CES4A: variants seen among roughly 807,000 people sequenced by gnomAD.
CES4A encodes the protein carboxylesterase 4A.
A neutral mutation model predicts 65.4 loss-of-function variants in CES4A; 48 were observed. That is an observed-to-expected ratio of 0.73 (90% confidence interval 0.58 to 0.93). CES4A has a LOEUF of 0.93. CES4A is among the 40% of genes least tolerant of loss of function. The pLI, the probability that CES4A is intolerant of heterozygous loss-of-function variation, is 0.00. For synonymous variants in CES4A, 247 were observed against 281.8 expected, an observed-to-expected ratio of 0.88 and a Z score of 1.24; for missense variants, 685 against 728.5, an observed-to-expected ratio of 0.94 and a Z score of 0.69.
Position 67,001,717 on chromosome 16 carries a change from T to C in CES4A, c.690+256T>C, listed in dbSNP as rs948289658. Among the ~76,000 whole-genome samples, 5 of 152,222 alleles carry C rather than the reference T, an allele frequency of 3.3e-5. No homozygotes were observed. Among genetic ancestry groups the C allele is most frequent in the African/African-American group, 1.2e-4 (5 of 41,448 alleles). On this transcript the variant is annotated intron_variant, in intron 5 of 13. Coordinates refer to ENST00000648724, the Ensembl canonical transcript of CES4A. This position sits in a 1 kb window ranked among gnomAD's most constrained non-coding sequence, Gnocchi z 4.1. The stretch of plus-strand genomic sequence containing the variant: ...TGGGGTAATCAGTGAATCCAGGTGC[T>C]ACCCAGCACCTTCTGCCTCTCCACA...
At chr16:66,994,657 C>A (rs1439469334) in intron 1 of CES4A, among the ~76,000 whole-genome samples, 3 of 145,806 alleles carry the variant, frequency 2.1e-5, no homozygotes, top group Non-Finnish European at 4.6e-5. Flanking sequence ...CTGGCTAGTA[C>A]GGTGAAACCC....
chr16:67,005,552 C>T, intron 11 of CES4A, 159 bp downstream of exon 11: 1 of 713,442 alleles, frequency 1.4e-6, no homozygotes, highest in Non-Finnish European at 2.2e-6. Context: ...CTATCAACTA[C>T]AAGAGAGGAA....
In CES4A at chr16:67,001,294, C is replaced by A. The variant is rs779461385; in HGVS notation, c.537-14C>A. 2 of 1,583,424 alleles carry A rather than the reference C, an allele frequency of 1.3e-6. No individual in the cohort carries two copies. Among genetic ancestry groups the A allele is most frequent in the Middle Eastern group, 1.9e-4 (1 of 5,226 alleles). ...CGAGGCCCGGGACCCTGACAGTGAA[C>A]CCCACACGCCCAGCACGGACGACAG... On this transcript the variant is annotated splice_polypyrimidine_tract_variant and intron_variant, in intron 4 of 13. Coordinates refer to ENST00000648724, the Ensembl canonical transcript of CES4A. This position sits in a 1 kb window ranked among gnomAD's most constrained non-coding sequence, Gnocchi z 4.1.
At chr16:67,008,180 C>G (rs1243660136) in intron 13 of CES4A, 1 of 152,202 alleles carries the variant, frequency 6.6e-6, no homozygotes, top group Non-Finnish European at 1.5e-5. Flanking sequence ...CTATGCCTCC[C>G]AAAGTGTTGG....
chr16:67,000,517 GCGCACGCACA>G lies in CES4A; in HGVS notation c.261-113_261-104del. Reference sequence around the variant, plus strand: ...CCTGTACACGCACACGCACGCACATGCGCACGCACACGCACGCGCACAGACGCTGCCTGGA... The same window carrying G: ...CCTGTACACGCACACGCACGCACATGCGCACGCGCACAGACGCTGCCTGGA... On this transcript the variant is annotated intron_variant, in intron 2 of 13. Transcript: ENST00000648724. This position sits in a 1 kb window ranked among gnomAD's most constrained non-coding sequence, Gnocchi z 4.2. The G allele has an allele frequency of 3.4e-6, 5 of 1,450,862 alleles. No homozygotes were observed. In the East Asian group the frequency reaches 7.7e-5, roughly 22 times the overall value. The allele number at this position is 1,450,862 out of a possible 1,614,324, so 89.9% of individuals were successfully genotyped here. A position where few individuals can be genotyped will look rare whatever the true frequency, so the allele number is the denominator to read the frequency against.
intron 1 of CES4A, among the ~76,000 whole-genome samples, chr16:66,990,352 CTCT>C (rs1042216301): frequency 2.6e-5 from 4 of 152,148 alleles, no homozygotes; most frequent in African/African-American, 9.7e-5. Context: ...CATGCCCAAC[CTCT>C]TTTCACCTTT....
intron 5 of CES4A, among the ~76,000 whole-genome samples, chr16:67,002,613 A>G (rs1475316388): frequency 2.0e-5 from 3 of 152,072 alleles, no homozygotes; most frequent in Non-Finnish European, 2.9e-5. Context: ...CCACCCAGAC[A>G]GGGATTGGCT....
exon 12 of CES4A, chr16:67,006,421 T>C (rs940942269): frequency 6.5e-6 from 10 of 1,536,490 alleles, no homozygotes; most frequent in African/African-American, 5.5e-5. Flanking sequence ...CTGTATGAAT[T>C]TGAGCACCAC....
Position 67,000,471 on chromosome 16 carries a change from C to T in CES4A, c.261-167C>T. 4.2e-6 allele frequency: 6 copies of T among 1,421,602 alleles called. No homozygotes were observed. The highest frequency in any genetic ancestry group is 5.5e-6 in the Non-Finnish European group (6 of 1,091,354). 88.1% of individuals were successfully genotyped at this position (1,421,602 alleles called of 1,614,324 possible). A position where few individuals can be genotyped will look rare whatever the true frequency, so the allele number is the denominator to read the frequency against. ...GGCCAACCTGCCTCCCAGTCCTGGG[C>T]CCCGGGGCTGGCGGAGGCCTCCTGT... On this transcript the variant is annotated intron_variant, in intron 2 of 13. Transcript: ENST00000648724. This position sits in a 1 kb window ranked among gnomAD's most constrained non-coding sequence, Gnocchi z 4.2.
At chr16:67,004,155 G>A in exon 9 of CES4A, 1 of 1,614,160 alleles carries the variant, frequency 6.2e-7, no homozygotes. Context: ...TCCTGACCCA[G>A]GGGAAGGTTT....
chr16:67,001,000 C>T lies in CES4A; in HGVS notation c.536+10C>T. ...TCTTCGGCTTCCTGAGGTGGCGGGGCCGGTACCCTTTGGGACCGCAGCTGT... is the reference window on the plus strand; with the variant it reads ...TCTTCGGCTTCCTGAGGTGGCGGGGTCGGTACCCTTTGGGACCGCAGCTGT... On this transcript the variant is annotated intron_variant, in intron 4 of 13. Transcript: ENST00000648724. The surrounding 1 kb of genome is among the most constrained non-coding windows in gnomAD (Gnocchi z 4.2). 3 of 1,601,390 alleles carry T rather than the reference C, an allele frequency of 1.9e-6. 1 individual carries two copies. Among genetic ancestry groups the T allele is most frequent in the South Asian group, 2.2e-5 (2 of 90,764 alleles).
intron 9 of CES4A, 108 bp downstream of exon 9, chr16:67,004,332 G>T: frequency 4.8e-6 from 6 of 1,249,238 alleles, no homozygotes; most frequent in Non-Finnish European, 5.7e-6. Flanking sequence ...TCAGATGCCA[G>T]TAGCCCCTCT....
intron 2 of CES4A, chr16:66,996,078 G>A (rs762536765): frequency 4.2e-5 from 25 of 593,238 alleles, no homozygotes; most frequent in Non-Finnish European, 7.6e-5. Flanking sequence ...TCGCTCTGTC[G>A]CCAGGCTGGA....
rs768032217 is a variant in CES4A at position 67,008,937 on chromosome 16, G to A, written c.1518-37G>A. On this transcript the variant is annotated intron_variant, in intron 13 of 13. Transcript: ENST00000648724. ...TGAAAGAAAGAAGCAGGATGAAAAG[G>A]AACACAGGTAATCCTCTCTTTTTTA... The A allele has an allele frequency of 2.5e-6, 4 of 1,592,712 alleles. No individual in the cohort carries two copies. The African/African-American group carries it at 5.4e-5, about 22-fold the overall frequency.
exon 14 of CES4A, chr16:67,009,217 A>G: frequency 7.1e-7 from 1 of 1,409,496 alleles, no homozygotes; most frequent in Non-Finnish European, 9.6e-7. Flanking sequence ...AGCCATGGAC[A>G]TACCTGGGGA....
At position 67,003,243 on chromosome 16, in the gene CES4A, C is replaced by G; in HGVS notation, c.796-13C>G. The G allele has an allele frequency of 6.2e-7, 1 of 1,613,854 alleles. No individual in the cohort carries two copies. On this transcript the variant is annotated splice_polypyrimidine_tract_variant and intron_variant, in intron 6 of 13. Coordinates refer to ENST00000648724, the Ensembl canonical transcript of CES4A. The surrounding 1 kb of genome is among the most constrained non-coding windows in gnomAD (Gnocchi z 4.2). ...ATGGAAGCACCACTGAGCATCCTTT[C>G]TTCTCTCTATAGAAGGTTGCCCACC...
intron 1 of CES4A, among the ~76,000 whole-genome samples, chr16:66,991,978 G>A (rs1214860770): frequency 1.3e-5 from 2 of 152,154 alleles, no homozygotes; most frequent in African/African-American, 2.4e-5. Context: ...AAAAAATGAG[G>A]TGAGATAATT....
intron 10 of CES4A, 22 bp downstream of exon 10, chr16:67,004,895 G>A (rs917846601): frequency 6.5e-7 from 1 of 1,527,712 alleles, no homozygotes; most frequent in Non-Finnish European, 8.8e-7. Context: ...AGCTGGCAGG[G>A]GTGCTCAGTT....
chr16:67,007,667 C>G (rs1330468810), intron 13 of CES4A: 1 of 152,038 alleles, frequency 6.6e-6, no homozygotes, highest in Non-Finnish European at 1.5e-5. Context: ...GCTGCCCAGG[C>G]TAGAGTGTAG....
Sources: allele counts gnomAD v4.1 joint callset (sites outside exome capture counted in the v4.1 genomes callset), GRCh38; gene constraint gnomAD v4.1.1; non-coding constraint Gnocchi (gnomAD v3.1); transcripts MANE v1.5; gene names NCBI Gene and HGNC (gene_info 2026-07-23, HGNC 2026-07-21).